The following DRAXIN variants were observed in gnomAD, a reference collection of about 807,000 sequenced individuals.
DRAXIN encodes the protein dorsal inhibitory axon guidance protein.
In DRAXIN, 27 loss-of-function variants were observed where a neutral mutation model predicts 33.9. That is an observed-to-expected ratio of 0.80 (90% CI 0.59 to 1.10). DRAXIN has a LOEUF of 1.10. Among genes scored for constraint, DRAXIN ranks in the 50% least tolerant of loss-of-function variants. The pLI, the probability that DRAXIN is intolerant of heterozygous loss-of-function variation, is 0.00. For synonymous variants in DRAXIN, 178 were observed against 194.0 expected (o/e 0.92, Z 0.69); for missense variants, 371 against 460.8 (o/e 0.81, Z 1.78).
upstream of DRAXIN, among the ~76,000 whole-genome samples, chr1:11,690,704 C>G (rs750781291): frequency 6.6e-6 from 1 of 152,204 alleles, no homozygotes; most frequent in Non-Finnish European, 1.5e-5. The surrounding 1 kb of genome is among the most constrained non-coding windows in gnomAD (Gnocchi z 4.2). Context: ...GGCCCCATCG[C>G]TCTTTGATCT....
chr1:11,707,389 A>G (rs1641400583), intron 2 of DRAXIN, among the ~76,000 whole-genome samples: 1 of 152,178 alleles, frequency 6.6e-6, no homozygotes, highest in Admixed American at 6.5e-5. Context: ...TAGACTCTGA[A>G]GCCAGGTCTG....
rs1449057140 is a variant in DRAXIN, at chr1:11,704,875, T to C, written c.-10-1374T>C. On this transcript the variant is annotated intron_variant, in intron 1 of 6. Transcript: ENST00000294485. The surrounding 1 kb of genome is among the most constrained non-coding windows in gnomAD (Gnocchi z 4.6). Reference sequence around the variant, plus strand: ...GGGACCAGGACATGCCAGGCTGGGATGGAGGCAGAACTGGGTGAAGCCACC... The same window carrying C: ...GGGACCAGGACATGCCAGGCTGGGACGGAGGCAGAACTGGGTGAAGCCACC... Among the ~76,000 whole-genome samples, 1 of 152,110 alleles carries C rather than the reference T, an allele frequency of 6.6e-6. No homozygotes were observed. Among genetic ancestry groups the C allele is most frequent in the Non-Finnish European group, 1.5e-5 (1 of 68,000 alleles).
intron 2 of DRAXIN, among the ~76,000 whole-genome samples, chr1:11,707,907 C>T (rs1307834484): frequency 6.6e-6 from 1 of 152,224 alleles, no homozygotes; most frequent in Non-Finnish European, 1.5e-5. Context: ...CCATGTGACC[C>T]GACTGCCTCT....
At position 11,696,168 on chromosome 1, in the gene DRAXIN, A is replaced by G. The variant is rs748914211; in HGVS notation, c.-11+4315A>G. Among the ~76,000 whole-genome samples, 16 of 152,040 alleles carry G rather than the reference A, an allele frequency of 1.1e-4. No individual in the cohort carries two copies. The highest frequency in any genetic ancestry group is 1.8e-4 in the Non-Finnish European group (12 of 67,996). ...TTGCACACCCAGGCACAGATGCACA[A>G]ATGCTTCCAGGAAACTCCCTGGCCC... On this transcript the variant is annotated intron_variant, in intron 1 of 6. Transcript: ENST00000294485. This position sits in a 1 kb window ranked among gnomAD's most constrained non-coding sequence, Gnocchi z 4.7.
Position 11,723,293 on chromosome 1 carries a change from A to G in DRAXIN, c.*3597A>G, listed in dbSNP as rs1283223826. ...CTCTCAACGCTGGCTGCACGTTGCA[A>G]TAATCCAGGAACATTCACAGGCCTG... On this transcript the variant is annotated 3_prime_UTR_variant, in exon 7 of 7. Transcript: ENST00000294485. 6.6e-6 allele frequency: 1 copy of G among 152,198 alleles called. No individual in the cohort carries two copies. The highest frequency in any genetic ancestry group is 1.5e-5 in the Non-Finnish European group (1 of 68,040). 9.4% of individuals were successfully genotyped at this position (152,198 alleles called of 1,614,324 possible). A position where few individuals can be genotyped will look rare whatever the true frequency, so the allele number is the denominator to read the frequency against.
intron 6 of DRAXIN, among the ~76,000 whole-genome samples, chr1:11,716,061 G>T (rs886873296): frequency 6.6e-6 from 1 of 152,202 alleles, no homozygotes; most frequent in African/African-American, 2.4e-5. Flanking sequence ...TAGAGGCAGA[G>T]TTTTGCCATG....
At position 11,722,551 on chromosome 1, in the gene DRAXIN, A is replaced by G. The variant is rs1378909849; in HGVS notation, c.*2855A>G. 1 of 152,226 alleles carries G rather than the reference A, an allele frequency of 6.6e-6. No individual in the cohort carries two copies. The highest frequency in any genetic ancestry group is 6.5e-5 in the Admixed American group (1 of 15,284). 9.4% of individuals were successfully genotyped at this position (152,226 alleles called of 1,614,324 possible). A position where few individuals can be genotyped will look rare whatever the true frequency, so the allele number is the denominator to read the frequency against. ...TGTCTAACCAACCTCTCTGCCAGGA[A>G]GTTCTTCCTTAGGTCTATCTTAAAT... On this transcript the variant is annotated 3_prime_UTR_variant, in exon 7 of 7. Coordinates refer to ENST00000294485, the MANE Select transcript of DRAXIN (RefSeq NM_198545.4).
chr1:11,725,777 A>C lies in DRAXIN; in HGVS notation c.*6081A>C, dbSNP rs972874546. The C allele has an allele frequency of 1.3e-5, 2 of 152,164 alleles. No individual in the cohort carries two copies. The highest frequency in any genetic ancestry group is 2.4e-5 in the African/African-American group (1 of 41,432). The allele number at this position is 152,164 out of a possible 1,614,324, so 9.4% of individuals were successfully genotyped here. On this transcript the variant is annotated 3_prime_UTR_variant, in exon 7 of 7. Transcript: ENST00000294485. ...TTGGGGAGCGGCAGGGGGAGGGGGA[A>C]GTGCCACGCCCTTGTAGTTTCATGA...
Position 11,723,534 on chromosome 1 carries a change from A to G in DRAXIN, c.*3838A>G, listed in dbSNP as rs993428832. 1 of 151,936 alleles carries G rather than the reference A, an allele frequency of 6.6e-6. No homozygotes were observed. Among genetic ancestry groups the G allele is most frequent in the Admixed American group, 6.6e-5 (1 of 15,248 alleles). The allele number at this position is 151,936 out of a possible 1,614,324, so 9.4% of individuals were successfully genotyped here. ...GTGCCTTGATTTTTTCATCTGTAAA[A>G]TGGGAATAATAACTCTCCCTTCATA... On this transcript the variant is annotated 3_prime_UTR_variant, in exon 7 of 7. Transcript: ENST00000294485.
chr1:11,687,890 T>C (rs1640987015), upstream of DRAXIN, among the ~76,000 whole-genome samples: 1 of 152,210 alleles, frequency 6.6e-6, no homozygotes, highest in African/African-American at 2.4e-5. The surrounding 1 kb of genome is among the most constrained non-coding windows in gnomAD (Gnocchi z 4.1). Context: ...TGGAGCCTGC[T>C]TTGGCCCCTC....
chr1:11,701,797 C>A (rs1300175870), intron 1 of DRAXIN, among the ~76,000 whole-genome samples: 1 of 152,182 alleles, frequency 6.6e-6, no homozygotes, highest in Non-Finnish European at 1.5e-5. Flanking sequence ...TGTGACACAG[C>A]CTCCAACTGG....
rs114223584 is a variant in DRAXIN, at chr1:11,696,672, G to A, written c.-11+4819G>A. On this transcript the variant is annotated intron_variant, in intron 1 of 6. Coordinates refer to ENST00000294485, the MANE Select transcript of DRAXIN (RefSeq NM_198545.4). The surrounding 1 kb of genome is among the most constrained non-coding windows in gnomAD (Gnocchi z 4.7). ...GATCGAGAACATCCTAATCAACACG[G>A]TGAAACTCTGTCTGTACTAAAAATG... Among the ~76,000 whole-genome samples the A allele has an allele frequency of 9.6e-3, 1,453 of 152,036 alleles. 18 individuals carry two copies. The highest frequency in any genetic ancestry group is 0.03 in the African/African-American group (1,250 of 41,454).
upstream of DRAXIN, among the ~76,000 whole-genome samples, chr1:11,691,112 G>A (rs1557683948): frequency 6.6e-6 from 1 of 152,130 alleles, no homozygotes; most frequent in Non-Finnish European, 1.5e-5. Context: ...CCCACTCTGC[G>A]CACTTTCTGC....
At chr1:11,697,681 G>T (rs1433005105) in intron 1 of DRAXIN, among the ~76,000 whole-genome samples, 1 of 152,156 alleles carries the variant, frequency 6.6e-6, no homozygotes, top group African/African-American at 2.4e-5. Flanking sequence ...TCCTGGTTCT[G>T]CACACAGAGG....
chr1:11,705,962 G>T lies in DRAXIN; in HGVS notation c.-10-287G>T, dbSNP rs1641370341. 6.6e-6 allele frequency among the ~76,000 whole-genome samples: 1 copy of T among 152,084 alleles called. No individual in the cohort carries two copies. The highest frequency in any genetic ancestry group is 1.5e-5 in the Non-Finnish European group (1 of 68,020). ...GCTGCTGAAATGATTTAAGCCGGGG[G>T]TTCTCAGCCTCGGTACTGTTGTTTT... On this transcript the variant is annotated intron_variant, in intron 1 of 6. Coordinates refer to ENST00000294485, the MANE Select transcript of DRAXIN (RefSeq NM_198545.4). The surrounding 1 kb of genome is among the most constrained non-coding windows in gnomAD (Gnocchi z 4.8).
chr1:11,694,574 G>A lies in DRAXIN; in HGVS notation c.-11+2721G>A, dbSNP rs963053902. Among the ~76,000 whole-genome samples the A allele has an allele frequency of 3.3e-5, 5 of 152,214 alleles. No individual in the cohort carries two copies. Among genetic ancestry groups the A allele is most frequent in the East Asian group, 1.9e-4 (1 of 5,178 alleles). On this transcript the variant is annotated intron_variant, in intron 1 of 6. Coordinates refer to ENST00000294485, the MANE Select transcript of DRAXIN (RefSeq NM_198545.4). This position sits in a 1 kb window ranked among gnomAD's most constrained non-coding sequence, Gnocchi z 4.9. Reference sequence around the variant, plus strand: ...CAGAGGGAGTTCCTTCACGTGTGTCGGCCAGGAATGTGATGGAGCAGGGAC... The same window carrying A: ...CAGAGGGAGTTCCTTCACGTGTGTCAGCCAGGAATGTGATGGAGCAGGGAC...
chr1:11,710,473 C>A (rs576960603), intron 3 of DRAXIN, among the ~76,000 whole-genome samples: 5 of 151,430 alleles, frequency 3.3e-5, no homozygotes, highest in Non-Finnish European at 7.4e-5. Flanking sequence ...CCAGCCTGGG[C>A]GACAGAGTGA....
In DRAXIN at chr1:11,704,500, C is replaced by T. The variant is rs1370040171; in HGVS notation, c.-10-1749C>T. ...TGGGCTGCCTCAGGAACCAGGGACA[C>T]AGGTCCCGCTTGCTGAGCTCTGGCC... On this transcript the variant is annotated intron_variant, in intron 1 of 6. Coordinates refer to ENST00000294485, the MANE Select transcript of DRAXIN (RefSeq NM_198545.4). This position sits in a 1 kb window ranked among gnomAD's most constrained non-coding sequence, Gnocchi z 4.6. Among the ~76,000 whole-genome samples the T allele has an allele frequency of 3.3e-5, 5 of 152,242 alleles. No individual in the cohort carries two copies. The highest frequency in any genetic ancestry group is 1.2e-4 in the African/African-American group (5 of 41,452).
Position 11,719,726 on chromosome 1 carries a change from G to A in DRAXIN, c.*30G>A, listed in dbSNP as rs912609066. 1.9e-6 allele frequency: 3 copies of A among 1,595,456 alleles called. No homozygotes were observed. Among genetic ancestry groups the A allele is most frequent in the Non-Finnish European group, 2.6e-6 (3 of 1,165,222 alleles). On this transcript the variant is annotated 3_prime_UTR_variant, in exon 7 of 7. Coordinates refer to ENST00000294485, the MANE Select transcript of DRAXIN (RefSeq NM_198545.4). The stretch of plus-strand genomic sequence containing the variant: ...CCCGCGGGACTGGGGACTGAGCCCA[G>A]GAGGTTTGCACAAGCCGGGCGATTT...
Sources: allele counts gnomAD v4.1 joint callset (sites outside exome capture counted in the v4.1 genomes callset), GRCh38; gene constraint gnomAD v4.1.1; non-coding constraint Gnocchi (gnomAD v3.1); transcripts MANE v1.5; gene names NCBI Gene and HGNC (gene_info 2026-07-23, HGNC 2026-07-21).